The following PDE8B variants were observed in gnomAD, a reference collection of about 807,000 sequenced individuals.
The protein encoded by PDE8B is high affinity cAMP-specific and IBMX-insensitive 3',5'-cyclic phosphodiesterase 8B.
A neutral mutation model predicts 101.3 loss-of-function variants in PDE8B; 26 were observed. The observed-to-expected ratio is 0.26, with a 90% CI of 0.19 to 0.36. The LOEUF (loss-of-function observed/expected upper bound fraction) is 0.36. PDE8B is among the 10% of genes least tolerant of loss of function. PDE8B has a pLI of 1.00. For synonymous variants in PDE8B, 424 were observed against 429.3 expected, an observed-to-expected ratio of 0.99 and a Z score of 0.15; for missense variants, 810 against 1,163.1, an observed-to-expected ratio of 0.70 and a Z score of 4.42.
At chr5:77,152,756 A>G in the PDE8B span, among the ~76,000 whole-genome samples, 1 of 152,108 alleles carries the variant, frequency 6.6e-6, no homozygotes, top group South Asian at 2.1e-4. Flanking sequence ...TGCCCACCCA[A>G]CCCTGCCCTC....
the PDE8B span, among the ~76,000 whole-genome samples, chr5:77,126,459 T>C: frequency 1.3e-5 from 2 of 152,200 alleles, no homozygotes; most frequent in African/African-American, 4.8e-5. Flanking sequence ...AGGGTCTCTT[T>C]CTGTCACCCA....
At chr5:77,345,010 T>A in intron 7 of PDE8B, 79 bp downstream of exon 7, 1 of 905,124 alleles carries the variant, frequency 1.1e-6, no homozygotes, top group Non-Finnish European at 1.9e-6. Context: ...ATCAAGTACT[T>A]TCCCATCATC....
chr5:77,184,346 A>T, the PDE8B span, among the ~76,000 whole-genome samples: 1 of 152,182 alleles, frequency 6.6e-6, no homozygotes, highest in Non-Finnish European at 1.5e-5. Context: ...CAATTCTTCC[A>T]CTAACATGTT....
intron 1 of PDE8B, among the ~76,000 whole-genome samples, chr5:77,239,619 C>A (rs955240644): frequency 2.0e-5 from 3 of 152,174 alleles, no homozygotes; most frequent in Non-Finnish European, 4.4e-5. Flanking sequence ...TGGAAAATAA[C>A]ATCTAACCTT....
chr5:77,114,193 T>C, the PDE8B span: 1 of 152,154 alleles, frequency 6.6e-6, no homozygotes, highest in East Asian at 1.9e-4. Flanking sequence ...ATCATGCTAC[T>C]ATGAAGACAC....
intron 1 of PDE8B, among the ~76,000 whole-genome samples, chr5:77,287,554 C>T (rs79099908): frequency 0.029 from 4,289 of 145,656 alleles, 216 homozygotes; most frequent in African/African-American, 0.1. Context: ...GTTCCTGACG[C>T]GTTCTCTCTA....
intron 1 of PDE8B, among the ~76,000 whole-genome samples, chr5:77,265,740 C>G (rs879221410): frequency 6.6e-6 from 1 of 152,116 alleles, no homozygotes; most frequent in Admixed American, 6.5e-5. Flanking sequence ...TAAGAATGTT[C>G]TTTGGGTATT....
chr5:77,218,652 A>G (rs1206263884), intron 1 of PDE8B, among the ~76,000 whole-genome samples: 3 of 152,206 alleles, frequency 2.0e-5, no homozygotes, highest in Non-Finnish European at 4.4e-5. Context: ...ATTAACTTGA[A>G]CTAGAGTGTT....
At chr5:77,165,742 A>T in the PDE8B span, among the ~76,000 whole-genome samples, 1 of 152,180 alleles carries the variant, frequency 6.6e-6, no homozygotes, top group African/African-American at 2.4e-5. Flanking sequence ...ATGGTGGATC[A>T]TGCCTGTAAT....
chr5:77,155,665 A>G, the PDE8B span, among the ~76,000 whole-genome samples: 2 of 152,140 alleles, frequency 1.3e-5, no homozygotes, highest in Non-Finnish European at 1.5e-5. Flanking sequence ...TCACTGAGGT[A>G]GGTGCTGTCA....
At chr5:77,136,766 TGAG>T in the PDE8B span, among the ~76,000 whole-genome samples, 2 of 152,228 alleles carry the variant, frequency 1.3e-5, no homozygotes, top group African/African-American at 4.8e-5. Context: ...GCAGCTGAGA[TGAG>T]GAGAACATTT....
At chr5:77,247,259 T>C (rs1170308470) in intron 1 of PDE8B, among the ~76,000 whole-genome samples, 2 of 152,164 alleles carry the variant, frequency 1.3e-5, no homozygotes, top group Admixed American at 6.5e-5. Context: ...CTTTTCTCCT[T>C]ATTGTTCTGG....
At chr5:77,340,028 CTATT>C (rs985390148) in intron 6 of PDE8B, among the ~76,000 whole-genome samples, 11 of 152,196 alleles carry the variant, frequency 7.2e-5, no homozygotes, top group African/African-American at 2.2e-4. Context: ...TAAATGATGA[CTATT>C]TATCTCTTCT....
intron 2 of PDE8B, among the ~76,000 whole-genome samples, chr5:77,322,869 A>C (rs1479209539): frequency 6.6e-6 from 1 of 152,264 alleles, no homozygotes; most frequent in Non-Finnish European, 1.5e-5. Context: ...TCAACATACC[A>C]TAAGCAGTTA....
the PDE8B span, among the ~76,000 whole-genome samples, chr5:77,169,013 C>T: frequency 1.3e-5 from 2 of 152,260 alleles, no homozygotes; most frequent in Admixed American, 1.3e-4. Context: ...TTAGTAAAAC[C>T]AACAGAGTCT....
intron 3 of PDE8B, among the ~76,000 whole-genome samples, chr5:77,328,788 G>C (rs1776555035): frequency 6.6e-6 from 1 of 152,040 alleles, no homozygotes; most frequent in Non-Finnish European, 1.5e-5. Flanking sequence ...TAATTGCCTG[G>C]GAGTTAAGAG....
chr5:77,257,473 A>G (rs901025051), intron 1 of PDE8B, among the ~76,000 whole-genome samples: 1 of 152,206 alleles, frequency 6.6e-6, no homozygotes, highest in Non-Finnish European at 1.5e-5. Flanking sequence ...ATTACCAGTG[A>G]TAAGTATTAT....
Position 77,397,541 on chromosome 5 carries a change from G to A in PDE8B, c.1168-2707G>A, listed in dbSNP as rs555681392. On this transcript the variant is annotated intron_variant, in intron 10 of 21. Coordinates refer to ENST00000264917, the MANE Select transcript of PDE8B (RefSeq NM_003719.5). The stretch of plus-strand genomic sequence containing the variant: ...AAAGACATGACTCAGATGAAACAAG[G>A]TGGAGAAGATCTACATCTCTAAGGC... Among the ~76,000 whole-genome samples, 399 of 152,038 alleles carry A rather than the reference G, an allele frequency of 2.6e-3. 2 individuals are homozygous for A. The highest frequency in any genetic ancestry group is 0.024 in the Middle Eastern group (7 of 294).
chr5:77,337,110 C>A (rs1172792369), intron 5 of PDE8B, 117 bp from the exon 6 acceptor site: 4 of 687,014 alleles, frequency 5.8e-6, no homozygotes, highest in African/African-American at 5.3e-5. Flanking sequence ...ATCTTACCTA[C>A]TAATTGTCTT....
Sources: allele counts gnomAD v4.1 joint callset (sites outside exome capture counted in the v4.1 genomes callset), GRCh38; gene constraint gnomAD v4.1.1; transcripts MANE v1.5; gene names NCBI Gene and HGNC (gene_info 2026-07-23, HGNC 2026-07-21).